Variants in USP38 observed in about 807,000 individuals in gnomAD.
USP38 encodes the protein ubiquitin specific peptidase 38, also known as ubiquitin carboxyl-terminal hydrolase 38.
In USP38, 49 loss-of-function variants were observed where a neutral mutation model predicts 94.3. The ratio of observed to expected loss-of-function variants is 0.52; its 90% CI spans 0.41 to 0.66. The LOEUF is 0.66. Ranked by LOEUF, USP38 falls within the 30% of genes least tolerant of loss-of-function variation. The probability of loss-of-function intolerance (pLI) is 0.00; values close to 1 mark genes in which losing one functional copy is unlikely to be tolerated. For synonymous variants in USP38, 468 were observed against 463.6 expected (o/e 1.01, Z -0.12); for missense variants, 1,128 against 1,229.4 (o/e 0.92, Z 1.23).
chr4:143,204,483 G>A (rs977030847), intron 5 of USP38: 2 of 436,650 alleles, frequency 4.6e-6, no homozygotes, highest in Admixed American at 5.1e-5. Flanking sequence ...TCTACATCTT[G>A]AGCTCAAGTG....
At chr4:143,216,268 A>G (rs1285096326) in intron 9 of USP38, among the ~76,000 whole-genome samples, 2 of 152,122 alleles carry the variant, frequency 1.3e-5, no homozygotes, top group East Asian at 3.9e-4. Flanking sequence ...ATAAAGAAAA[A>G]GCATTATGTA....
At position 143,185,640 on chromosome 4, in the gene USP38, G is replaced by A; in HGVS notation, c.190G>A (p.Val64Met). The A allele has an allele frequency of 1.2e-6, 2 of 1,614,170 alleles. No homozygotes were observed. Among genetic ancestry groups the A allele is most frequent in the South Asian group, 1.1e-5 (1 of 91,082 alleles). ...DPFQRQVGHQ[V>M]LEAYARYHRP... ...TTTCCAGCGGCAGGTGGGGCACCAGGTGCTGGAGGCCTACGCACGATACCA... is the reference window on the plus strand; with the variant it reads ...TTTCCAGCGGCAGGTGGGGCACCAGATGCTGGAGGCCTACGCACGATACCA... The change falls in exon 1 of 10, where the codon GTG becomes ATG. Residue 64 changes from valine to methionine, a missense_variant. Physicochemically the swap from Val to Met is conservative, Grantham distance 21 (BLOSUM62 1). Coordinates refer to ENST00000307017, the MANE Select transcript of USP38 (RefSeq NM_032557.6).
chr4:143,203,541 A>G lies in USP38; in HGVS notation c.1184A>G (p.Tyr395Cys), dbSNP rs1193892670. ...CATTATTCTGGATTTCCAGATCTCT[A>G]TGAACCTATTCTGGAGGCAATAAAG... is the stretch of plus-strand genomic sequence containing the variant. ...MYHYSGFPDL[Y>C]EPILEAIKDF... The change falls in exon 5 of 10, where the codon TAT becomes TGT. Residue 395 changes from tyrosine (Y) to cysteine (C), a missense_variant. Physicochemically the swap from Tyr to Cys is radical, Grantham distance 194. Transcript: ENST00000307017. 11 of 1,612,366 alleles carry G rather than the reference A, an allele frequency of 6.8e-6. No homozygotes were observed. Among genetic ancestry groups the G allele is most frequent in the Non-Finnish European group, 7.6e-6 (9 of 1,179,448 alleles).
chr4:143,187,063 T>C (rs1731247848), intron 1 of USP38, among the ~76,000 whole-genome samples: 1 of 152,230 alleles, frequency 6.6e-6, no homozygotes, highest in Non-Finnish European at 1.5e-5. Context: ...ACAAACGATG[T>C]ATTTGCAGTA....
At chr4:143,220,117 C>G (rs1247633760) in intron 9 of USP38, among the ~76,000 whole-genome samples, 178 bp from the exon 10 acceptor site, 1 of 151,944 alleles carries the variant, frequency 6.6e-6, no homozygotes, top group African/African-American at 2.4e-5. Flanking sequence ...GAGAGTGTTG[C>G]AGGAACTGTA....
intron 6 of USP38, among the ~76,000 whole-genome samples, chr4:143,207,636 A>G (rs189767470): frequency 8.1e-5 from 12 of 148,270 alleles, no homozygotes; most frequent in Non-Finnish European, 1.2e-4. Context: ...TTCATTTAGC[A>G]TTTAATTTTT....
chr4:143,185,869 AGCCGCAGCTCTGT>A lies in USP38; in HGVS notation c.423_435del (p.Gln142AspfsTer2), dbSNP rs1561235289. On this transcript the variant is annotated frameshift_variant, in exon 1 of 10. Coordinates refer to ENST00000307017, the MANE Select transcript of USP38 (RefSeq NM_032557.6). LOFTEE classifies it high-confidence loss of function. ...TTACGGATGGTGTGTGAGAGGCCGG[AGCCGCAGCTCTGT>A]GCCCGACTGAGCGACCTTCTGACCG... 1 of 1,614,136 alleles carries A rather than the reference AGCCGCAGCTCTGT, an allele frequency of 6.2e-7. No individual in the cohort carries two copies. Among genetic ancestry groups the A allele is most frequent in the South Asian group, 1.1e-5 (1 of 91,066 alleles).
In USP38 at chr4:143,214,559, T is replaced by C. The variant is rs376771787; in HGVS notation, c.2583T>C (p.Tyr861=). ...ISSESGHYYS[Y]ARNITSTDSS... ...CTGAAAGTGGGCATTACTATTCTTATGCCAGGAATATCACAAGTACAGACT... is the reference window on the plus strand; with the variant it reads ...CTGAAAGTGGGCATTACTATTCTTACGCCAGGAATATCACAAGTACAGACT... Residue 861 remains tyrosine (Y), a synonymous_variant, in exon 9 of 10, where the codon TAT becomes TAC. Transcript: ENST00000307017. 15 of 1,613,504 alleles carry C rather than the reference T, an allele frequency of 9.3e-6. No homozygotes were observed. The African/African-American group carries it at 9.3e-5, about 10-fold the overall frequency.
At chr4:143,207,995 T>A (rs1218483279) in intron 6 of USP38, among the ~76,000 whole-genome samples, 1 of 152,174 alleles carries the variant, frequency 6.6e-6, no homozygotes, top group Non-Finnish European at 1.5e-5. Context: ...GGTAATTTGT[T>A]AACAGTTACG....
rs887067013 is a variant in USP38 at position 143,220,735 on chromosome 4, C to T, written c.*279C>T. On this transcript the variant is annotated 3_prime_UTR_variant, in exon 10 of 10. Coordinates refer to ENST00000307017, the MANE Select transcript of USP38 (RefSeq NM_032557.6). ...ATGTACCTGGTCCCTAATTAAGCTG[C>T]GTTAAATTTGGTAGAAGCATTTAAA... is the stretch of plus-strand genomic sequence containing the variant. The T allele has an allele frequency of 2.2e-5, 5 of 228,676 alleles. No homozygotes were observed. The highest frequency in any genetic ancestry group is 9.1e-5 in the African/African-American group (4 of 44,092). The allele number at this position is 228,676 out of a possible 1,614,324, so 14.2% of individuals were successfully genotyped here.
intron 9 of USP38, among the ~76,000 whole-genome samples, chr4:143,219,527 G>A (rs562121298): frequency 1.5e-4 from 23 of 152,200 alleles, no homozygotes; most frequent in African/African-American, 4.6e-4. Context: ...ATGCTAACAA[G>A]TTCAGGTATG....
chr4:143,203,997 C>G (rs879458804), intron 5 of USP38, among the ~76,000 whole-genome samples: 3 of 123,158 alleles, frequency 2.4e-5, no homozygotes, highest in Admixed American at 1.7e-4. Context: ...TTTTTTTCTT[C>G]TTGAGACCAA....
Position 143,197,833 on chromosome 4 carries a change from G to T in USP38, c.959G>T (p.Arg320Leu). ...TLLKIELVFN[R>L]LWFPLVRPGA... ...TGTCTTATTTTGAAGGTTTTTAATC[G>T]ACTTTGGTTTCCTCTTGTGAGACCT... Residue 320 changes from arginine (R) to leucine (L), a missense_variant, in exon 4 of 10, where the codon CGA becomes CTA. Physicochemically the swap from Arg to Leu is moderately radical, Grantham distance 102 (BLOSUM62 -2). Coordinates refer to ENST00000307017, the MANE Select transcript of USP38 (RefSeq NM_032557.6). 1 of 1,611,714 alleles carries T rather than the reference G, an allele frequency of 6.2e-7. No individual in the cohort carries two copies. Among genetic ancestry groups the T allele is most frequent in the Non-Finnish European group, 8.5e-7 (1 of 1,178,962 alleles).
At chr4:143,219,471 T>G (rs950181862) in intron 9 of USP38, among the ~76,000 whole-genome samples, 1 of 152,100 alleles carries the variant, frequency 6.6e-6, no homozygotes, top group African/African-American at 2.4e-5. Flanking sequence ...TAATAGTGTT[T>G]TCGTTATTAA....
At chr4:143,210,754 G>C (rs771062275) in intron 7 of USP38, among the ~76,000 whole-genome samples, 1 of 151,928 alleles carries the variant, frequency 6.6e-6, no homozygotes, top group Non-Finnish European at 1.5e-5. Context: ...GTTAGGACCA[G>C]AAGAAACAAT....
In USP38 at chr4:143,221,698, C is replaced by G. The variant is rs1383672295; in HGVS notation, c.*1242C>G. The G allele has an allele frequency of 6.6e-6, 1 of 152,070 alleles. No individual in the cohort carries two copies. Among genetic ancestry groups the G allele is most frequent in the Non-Finnish European group, 1.5e-5 (1 of 67,974 alleles). The allele number at this position is 152,070 out of a possible 1,614,324, so 9.4% of individuals were successfully genotyped here. On this transcript the variant is annotated 3_prime_UTR_variant, in exon 10 of 10. Coordinates refer to ENST00000307017, the MANE Select transcript of USP38 (RefSeq NM_032557.6). ...AGAGTTATCCCAGTTATCCCCCTTC[C>G]TAAAGGTTTTAACTTATCCACAGTT... is the stretch of plus-strand genomic sequence containing the variant.
chr4:143,223,830 ATAT>A lies in USP38; in HGVS notation c.*3375_*3377del. On this transcript the variant is annotated 3_prime_UTR_variant, in exon 10 of 10. Coordinates refer to ENST00000307017, the MANE Select transcript of USP38 (RefSeq NM_032557.6). ...TTCTCATAAAAATGTGATAGTTTAT[ATAT>A]CCTTTCATCATACGTTTTTTCTAAT... 6.6e-6 allele frequency: 1 copy of A among 152,114 alleles called. No individual in the cohort carries two copies. The highest frequency in any genetic ancestry group is 1.5e-5 in the Non-Finnish European group (1 of 67,990). 9.4% of individuals were successfully genotyped at this position (152,114 alleles called of 1,614,324 possible). A position where few individuals can be genotyped will look rare whatever the true frequency, so the allele number is the denominator to read the frequency against.
At chr4:143,212,876 CT>C (rs1732066194) in intron 8 of USP38, among the ~76,000 whole-genome samples, 1 of 151,972 alleles carries the variant, frequency 6.6e-6, no homozygotes. Flanking sequence ...GAAAATACAA[CT>C]TTTTCATTTT....
rs17017380 is a variant in USP38 at position 143,221,448 on chromosome 4, T to C, written c.*992T>C. ...GCTAAGTAAAAAATCTGTCTTGATT[T>C]TGTTACTTATTCCTCAGAATATTAA... On this transcript the variant is annotated 3_prime_UTR_variant, in exon 10 of 10. Transcript: ENST00000307017. 0.028 allele frequency: 4,266 copies of C among 152,702 alleles called. 77 individuals carry two copies. Among genetic ancestry groups the C allele is most frequent in the Non-Finnish European group, 0.043 (2,912 of 67,968 alleles). The allele number at this position is 152,702 out of a possible 1,614,324, so 9.5% of individuals were successfully genotyped here.
Sources: allele counts gnomAD v4.1 joint callset (sites outside exome capture counted in the v4.1 genomes callset), GRCh38; gene constraint gnomAD v4.1.1; transcripts MANE v1.5; gene names NCBI Gene and HGNC (gene_info 2026-07-23, HGNC 2026-07-21).